The following KIF17 variants were observed in gnomAD, a reference collection of about 807,000 sequenced individuals.
The protein encoded by KIF17 is kinesin family member 17.
A neutral mutation model predicts 96.8 loss-of-function variants in KIF17; 80 were observed. That is an observed-to-expected ratio of 0.83 (90% CI 0.69 to 1.00). The LOEUF (loss-of-function observed/expected upper bound fraction) is 1.00. Ranked by LOEUF, KIF17 falls within the 50% of genes least tolerant of loss-of-function variation. The pLI, the probability that KIF17 is intolerant of heterozygous loss-of-function variation, is 0.00. For synonymous variants in KIF17, 567 were observed against 587.5 expected, an observed-to-expected ratio of 0.97 and a Z score of 0.51; for missense variants, 1,280 against 1,372.9, an observed-to-expected ratio of 0.93 and a Z score of 1.07.
chr1:20,683,350 G>A (rs1224277051), intron 10 of KIF17, among the ~76,000 whole-genome samples: 5 of 152,298 alleles, frequency 3.3e-5, no homozygotes, highest in East Asian at 1.9e-4. Flanking sequence ...TTAGAGTTTT[G>A]TCCTTTAGAG....
chr1:20,672,237 C>T lies in KIF17; in HGVS notation c.2464-41G>A. Reference sequence around the variant, plus strand: ...GACAAGCAGTGAGCAGGGAAAGATACCTCCCCTTCCATCTAACCACCCTGT... The same window carrying T: ...GACAAGCAGTGAGCAGGGAAAGATATCTCCCCTTCCATCTAACCACCCTGT... On this transcript the variant is annotated intron_variant, in intron 11 of 14. Transcript: ENST00000400463. The surrounding 1 kb of genome is among the most constrained non-coding windows in gnomAD (Gnocchi z 4.3). 1.2e-6 allele frequency: 2 copies of T among 1,610,236 alleles called. No homozygotes were observed. The highest frequency in any genetic ancestry group is 1.7e-6 in the Non-Finnish European group (2 of 1,179,076).
At position 20,709,099 on chromosome 1, in the gene KIF17, C is replaced by T. The variant is rs141525613; in HGVS notation, c.670+540G>A. ...AAGTGAGATAATGCACACACATTGC[C>T]TGGCACACTGGCCGGGCGCAGTGGC... is the stretch of plus-strand genomic sequence containing the variant. On this transcript the variant is annotated intron_variant, in intron 4 of 14. Coordinates refer to ENST00000400463, the MANE Select transcript of KIF17 (RefSeq NM_001122819.3). This position sits in a 1 kb window ranked among gnomAD's most constrained non-coding sequence, Gnocchi z 4.7. Among the ~76,000 whole-genome samples, 4 of 152,326 alleles carry T rather than the reference C, an allele frequency of 2.6e-5. No individual in the cohort carries two copies. Among genetic ancestry groups the T allele is most frequent in the South Asian group, 4.1e-4 (2 of 4,826 alleles).
intron 10 of KIF17, among the ~76,000 whole-genome samples, chr1:20,683,757 AC>A (rs1375149023): frequency 6.6e-6 from 1 of 152,018 alleles, no homozygotes; most frequent in Non-Finnish European, 1.5e-5. Context: ...TCTCCCCTGC[AC>A]CCCACTCTGC....
intron 11 of KIF17, among the ~76,000 whole-genome samples, chr1:20,677,119 G>A (rs1368410903): frequency 6.6e-6 from 1 of 152,220 alleles, no homozygotes. Flanking sequence ...GCTGAGGTAG[G>A]AGGATCACCT....
intron 14 of KIF17, 110 bp from the exon 15 acceptor site, chr1:20,664,872 GC>G: frequency 9.7e-7 from 1 of 1,034,008 alleles, no homozygotes; most frequent in Non-Finnish European, 1.5e-6. Context: ...CCGCCCCCCT[GC>G]CCAGCCAGAG....
rs1377134702 is a variant in KIF17, at chr1:20,690,123, C to G, written c.1381+65G>C. The G allele has an allele frequency of 2.2e-5, 35 of 1,565,922 alleles. No homozygotes were observed. The South Asian group carries it at 3.3e-4, about 15-fold the overall frequency. On this transcript the variant is annotated intron_variant, in intron 7 of 14. Transcript: ENST00000400463. ...TAGAAAATGCTCTGTGATGCAGTTA[C>G]TGCAGTGAGGCGGAAAGGAGGCCAC...
chr1:20,700,892 C>G lies in KIF17; in HGVS notation c.1124-2404G>C, dbSNP rs1055592150. On this transcript the variant is annotated intron_variant, in intron 5 of 14. Transcript: ENST00000400463. The surrounding 1 kb of genome is among the most constrained non-coding windows in gnomAD (Gnocchi z 4.6). ...GACAACCAGGAACAGCCCCTCAACC[C>G]CAACGCCCACCAGAATTATTCAGAT... is the stretch of plus-strand genomic sequence containing the variant. Among the ~76,000 whole-genome samples, 4 of 152,168 alleles carry G rather than the reference C, an allele frequency of 2.6e-5. No homozygotes were observed. Among genetic ancestry groups the G allele is most frequent in the African/African-American group, 9.7e-5 (4 of 41,430 alleles).
chr1:20,661,695 G>A (rs578192967), downstream of KIF17, among the ~76,000 whole-genome samples: 2 of 152,256 alleles, frequency 1.3e-5, no homozygotes, highest in Admixed American at 6.5e-5. Context: ...CTAGTCTGGA[G>A]CCCACTTCCC....
At position 20,670,283 on chromosome 1, in the gene KIF17, T is replaced by C. The variant is rs2053617021; in HGVS notation, c.2790+138A>G. 8.5e-6 allele frequency: 7 copies of C among 822,236 alleles called. No homozygotes were observed. The South Asian group carries it at 1.0e-4, about 12-fold the overall frequency. 50.9% of individuals were successfully genotyped at this position (822,236 alleles called of 1,614,324 possible). On this transcript the variant is annotated intron_variant, in intron 13 of 14. Transcript: ENST00000400463. ...TGCCAATGGAGGGGCATGAAAAGGA[T>C]CCAGCCTTGGCCCCTTCTTTAATCC... is the stretch of plus-strand genomic sequence containing the variant.
chr1:20,717,493 C>G lies in KIF17; in HGVS notation c.214G>C (p.Ala72Pro). Residue 72 changes from alanine to proline, a missense_variant, in exon 1 of 15, where the codon GCC (alanine) becomes CCC (proline). Coordinates refer to ENST00000400463, the MANE Select transcript of KIF17 (RefSeq NM_001122819.3). ...GCCCTCACCTCCACCAGCGGATAGG[C>G]GATCTCGTTGTAGATCTGCTCGGTG... Reference protein sequence around the residue: ...HVTEQIYNEIAYPLVEGVTEG... With the variant: ...HVTEQIYNEIPYPLVEGVTEG... The G allele has an allele frequency of 6.2e-7, 1 of 1,611,468 alleles. No homozygotes were observed. The highest frequency in any genetic ancestry group is 8.5e-7 in the Non-Finnish European group (1 of 1,179,608).
rs112030209 is a variant in KIF17 at position 20,675,248 on chromosome 1, C to A, written c.2464-3052G>T. On this transcript the variant is annotated intron_variant, in intron 11 of 14. Coordinates refer to ENST00000400463, the MANE Select transcript of KIF17 (RefSeq NM_001122819.3). The stretch of plus-strand genomic sequence containing the variant: ...GGATCACAAGGCCAGGAGATCAAGA[C>A]CATCCTGGCTAACACAATGAAACCC... Among the ~76,000 whole-genome samples, 455 of 151,166 alleles carry A rather than the reference C, an allele frequency of 3.0e-3. 2 individuals carry two copies. The highest frequency in any genetic ancestry group is 9.8e-3 in the African/African-American group (403 of 41,146).
intron 12 of KIF17, 38 bp from the exon 13 acceptor site, chr1:20,670,526 T>C (rs1393272194): frequency 3.7e-6 from 6 of 1,603,674 alleles, no homozygotes; most frequent in Non-Finnish European, 4.3e-6. Context: ...CACTGCTGCC[T>C]GGTGCAAGGC....
At chr1:20,662,397 ACAGAAGGTAG>A (rs1446235344), downstream of KIF17, among the ~76,000 whole-genome samples, 3 of 152,156 alleles carry the variant, frequency 2.0e-5, no homozygotes, top group African/African-American at 7.2e-5. Flanking sequence ...AACTGTAGAG[ACAGAAGGTAG>A]CAGTTCCTTT....
At chr1:20,697,290 A>C (rs2054159168) in intron 6 of KIF17, among the ~76,000 whole-genome samples, 1 of 152,164 alleles carries the variant, frequency 6.6e-6, no homozygotes, top group South Asian at 2.1e-4. Flanking sequence ...ATCAGGTTTC[A>C]CATCAGGAAA....
chr1:20,682,760 G>T lies in KIF17; in HGVS notation c.2356C>A (p.Gln786Lys), dbSNP rs768677101. The T allele has an allele frequency of 3.7e-6, 6 of 1,613,056 alleles. No individual in the cohort carries two copies. The highest frequency in any genetic ancestry group is 3.4e-6 in the Non-Finnish European group (4 of 1,180,048). The stretch of plus-strand genomic sequence containing the variant: ...TCCCCGCTGTCCTCATCCGAGTTCT[G>T]CAGGGCAGCCACCAGCTGCTTCCTG... ...ERRKQLVAAL[Q>K]NSDEDSGDWV... Residue 786 changes from glutamine (Q) to lysine (K), a missense_variant, in exon 11 of 15, where the codon CAG becomes AAG. By Grantham distance (53) the Gln-to-Lys change is moderately conservative. Transcript: ENST00000400463.
At chr1:20,686,376 C>T (rs551880969) in intron 8 of KIF17, 1 of 574,184 alleles carries the variant, frequency 1.7e-6, no homozygotes, top group South Asian at 2.0e-5. Context: ...CCTGCATCCA[C>T]TCCTCTGAAG....
chr1:20,690,347 G>GCCCCC lies in KIF17; in HGVS notation c.1234-13_1234-12insGGGGG. 7.6e-7 allele frequency: 1 copy of GCCCCC among 1,323,488 alleles called. No individual in the cohort carries two copies. Among genetic ancestry groups the GCCCCC allele is most frequent in the Non-Finnish European group, 1.0e-6 (1 of 954,000 alleles). 82.0% of individuals were successfully genotyped at this position (1,323,488 alleles called of 1,614,324 possible). On this transcript the variant is annotated splice_polypyrimidine_tract_variant and intron_variant, in intron 6 of 14. Coordinates refer to ENST00000400463, the MANE Select transcript of KIF17 (RefSeq NM_001122819.3). ...CGCTCTTCATACTCCTGGGGGGGTG[G>GCCCCC]GAGGGACCAGAGGGCAGGCAGCATT...
chr1:20,689,157 AG>A (rs1038105619), intron 7 of KIF17, among the ~76,000 whole-genome samples: 2 of 152,118 alleles, frequency 1.3e-5, no homozygotes, highest in African/African-American at 4.8e-5. Flanking sequence ...CTCAGTGAGG[AG>A]GTGCAGGTAA....
rs754109592 is a variant in KIF17 at position 20,690,246 on chromosome 1, C to T, written c.1323G>A (p.Met441Ile). Residue 441 changes from methionine (M) to isoleucine (I), a missense_variant, in exon 7 of 15, where the codon ATG becomes ATA. Coordinates refer to ENST00000400463, the MANE Select transcript of KIF17 (RefSeq NM_001122819.3). ...ACAGCCTGACGTCATATGAGTTGCGCATGGCAGTGATGTCTTCCTCCAGCC... is the reference window on the plus strand; with the variant it reads ...ACAGCCTGACGTCATATGAGTTGCGTATGGCAGTGATGTCTTCCTCCAGCC... Reference protein sequence around the residue: ...RARLEEDITAMRNSYDVRLST... With the variant: ...RARLEEDITAIRNSYDVRLST... 1 of 1,592,812 alleles carries T rather than the reference C, an allele frequency of 6.3e-7. No individual in the cohort carries two copies. Among genetic ancestry groups the T allele is most frequent in the South Asian group, 1.1e-5 (1 of 90,774 alleles).
Sources: allele counts gnomAD v4.1 joint callset (sites outside exome capture counted in the v4.1 genomes callset), GRCh38; gene constraint gnomAD v4.1.1; non-coding constraint Gnocchi (gnomAD v3.1); transcripts MANE v1.5; gene names NCBI Gene and HGNC (gene_info 2026-07-23, HGNC 2026-07-21).